The following TBC1D2 variants were observed in gnomAD, a reference collection of about 807,000 sequenced individuals.
The protein encoded by TBC1D2 is TBC1 domain family member 2A.
In TBC1D2, 58 loss-of-function variants were observed where a neutral mutation model predicts 91.1. The observed-to-expected ratio is 0.64, with a 90% confidence interval of 0.52 to 0.79. The LOEUF (loss-of-function observed/expected upper bound fraction) is 0.79, where lower values mean the gene tolerates loss of function less well. TBC1D2 is among the 30% of genes least tolerant of loss of function. The probability of loss-of-function intolerance (pLI) is 0.00; values close to 1 mark genes in which losing one functional copy is unlikely to be tolerated. For missense variants in TBC1D2, 1,080 were observed against 1,208.3 expected, an observed-to-expected ratio of 0.89 and a Z score of 1.57; for synonymous variants, 482 against 511.5, an observed-to-expected ratio of 0.94 and a Z score of 0.78.
rs763050559 is a variant in TBC1D2, at chr9:98,233,558, A to C, written c.648-9T>G. On this transcript the variant is annotated splice_polypyrimidine_tract_variant and intron_variant, in intron 3 of 12. Transcript: ENST00000465784. The stretch of plus-strand genomic sequence containing the variant: ...TGTTGTGCATTGTGTTCCTGAAAGG[A>C]GACAAGAACAGAGGAGCATGAGGCT... 5 of 1,613,612 alleles carry C rather than the reference A, an allele frequency of 3.1e-6. No individual in the cohort carries two copies. Among genetic ancestry groups the C allele is most frequent in the Non-Finnish European group, 4.2e-6 (5 of 1,179,798 alleles).
rs568986387 is a variant in TBC1D2 at position 98,238,902 on chromosome 9, T to C, written c.647+5092A>G. ...CATGGCCGGCTAATTTTTGTATTTT[T>C]AGTAGAGATGGGATTTCACCATATT... On this transcript the variant is annotated intron_variant, in intron 3 of 12. Coordinates refer to ENST00000465784, the MANE Select transcript of TBC1D2 (RefSeq NM_001267571.2). 3.6e-3 allele frequency among the ~76,000 whole-genome samples: 550 copies of C among 151,976 alleles called. 1 individual carries two copies. The highest frequency in any genetic ancestry group is 6.8e-3 in the Middle Eastern group (2 of 294).
chr9:98,228,918 T>G lies in TBC1D2; in HGVS notation c.978+34A>C, dbSNP rs372913635. On this transcript the variant is annotated intron_variant, in intron 5 of 12. Transcript: ENST00000465784. This position sits in a 1 kb window ranked among gnomAD's most constrained non-coding sequence, Gnocchi z 4.0. The stretch of plus-strand genomic sequence containing the variant: ...GGCTCCAGGAACTGGAGGGGTCCAC[T>G]GGAACCTGGGGCCTCCCTGGGACCA... 8 of 1,601,552 alleles carry G rather than the reference T, an allele frequency of 5.0e-6. No homozygotes were observed. Among genetic ancestry groups the G allele is most frequent in the Non-Finnish European group, 6.8e-6 (8 of 1,171,702 alleles).
chr9:98,230,263 T>C (rs1420824687), intron 4 of TBC1D2, among the ~76,000 whole-genome samples: 1 of 152,220 alleles, frequency 6.6e-6, no homozygotes, highest in African/African-American at 2.4e-5. Flanking sequence ...ATGTTTTTAG[T>C]CTTATGGACA....
intron 7 of TBC1D2, 92 bp downstream of exon 7, chr9:98,213,016 A>G (rs1828886048): frequency 7.1e-7 from 1 of 1,404,996 alleles, no homozygotes; most frequent in Non-Finnish European, 1.0e-6. Context: ...AGGGGCAGAC[A>G]GGAAATGAGG....
At chr9:98,234,597 A>G (rs1829455966) in intron 3 of TBC1D2, 2 of 152,238 alleles carry the variant, frequency 1.3e-5, no homozygotes, top group African/African-American at 4.8e-5. Context: ...CCTGTGTTGC[A>G]TCGGAATCCT....
chr9:98,243,681 C>T (rs1483808837), intron 3 of TBC1D2, among the ~76,000 whole-genome samples: 2 of 151,924 alleles, frequency 1.3e-5, no homozygotes, highest in African/African-American at 4.8e-5. Flanking sequence ...GGATTATAGG[C>T]ACCTGCCACC....
Position 98,203,934 on chromosome 9 carries a change from G to A in TBC1D2, c.2151-526C>T, listed in dbSNP as rs189581932. ...AGATTAACAATATCTATCCCCCCGGGGCCAAGAGGCATCTTGAGACAGACC... is the reference window on the plus strand; with the variant it reads ...AGATTAACAATATCTATCCCCCCGGAGCCAAGAGGCATCTTGAGACAGACC... On this transcript the variant is annotated intron_variant, in intron 9 of 12. Coordinates refer to ENST00000465784, the MANE Select transcript of TBC1D2 (RefSeq NM_001267571.2). Among the ~76,000 whole-genome samples, 910 of 152,190 alleles carry A rather than the reference G, an allele frequency of 6.0e-3. 12 individuals are homozygous for A. Among genetic ancestry groups the A allele is most frequent in the African/African-American group, 0.021 (853 of 41,526 alleles).
rs1291876170 is a variant in TBC1D2, at chr9:98,252,179, A to T, written c.370-253T>A. On this transcript the variant is annotated intron_variant, in intron 1 of 12. Coordinates refer to ENST00000465784, the MANE Select transcript of TBC1D2 (RefSeq NM_001267571.2). ...CTGGTGACAATAAGTCTCATTGCAT[A>T]GGACAATGATGAGGATGAAATGAGA... 3.3e-5 allele frequency among the ~76,000 whole-genome samples: 5 copies of T among 152,202 alleles called. No homozygotes were observed. The East Asian group carries it at 9.6e-4, about 29-fold the overall frequency.
chr9:98,233,304 C>T (rs975493677), intron 4 of TBC1D2, 112 bp downstream of exon 4: 25 of 1,430,902 alleles, frequency 1.7e-5, no homozygotes, highest in Non-Finnish European at 1.1e-5. Context: ...CCCAAGCCAA[C>T]TAAGACACAC....
intron 4 of TBC1D2, among the ~76,000 whole-genome samples, chr9:98,232,334 C>CTGTTTTTTT (rs1564251650): frequency 3.2e-5 from 2 of 62,918 alleles, no homozygotes; most frequent in African/African-American, 2.7e-4. Flanking sequence ...TCTTCTTTCT[C>CTGTTTTTTT]TTTTTCTGTT....
chr9:98,225,632 G>A (rs1829214544), intron 5 of TBC1D2, among the ~76,000 whole-genome samples: 1 of 152,240 alleles, frequency 6.6e-6, no homozygotes, highest in Admixed American at 6.5e-5. Flanking sequence ...CCCTGAGCAT[G>A]CAGACACTCT....
chr9:98,241,740 A>G (rs908227404), intron 3 of TBC1D2, among the ~76,000 whole-genome samples: 3 of 152,110 alleles, frequency 2.0e-5, no homozygotes, highest in Non-Finnish European at 2.9e-5. Context: ...CATGCTCCCA[A>G]TGCACCCAGT....
chr9:98,253,969 A>G lies in TBC1D2; in HGVS notation c.369+1204T>C, dbSNP rs993465739. Reference sequence around the variant, plus strand: ...ACCATGTGTTGAAGACCCTGCATACAGCAGTCAACCTGTGGAAGAGACACA... The same window carrying G: ...ACCATGTGTTGAAGACCCTGCATACGGCAGTCAACCTGTGGAAGAGACACA... On this transcript the variant is annotated intron_variant, in intron 1 of 12. Coordinates refer to ENST00000465784, the MANE Select transcript of TBC1D2 (RefSeq NM_001267571.2). 8.8e-4 allele frequency among the ~76,000 whole-genome samples: 134 copies of G among 152,358 alleles called. 1 individual carries two copies. The highest frequency in any genetic ancestry group is 3.2e-3 in the African/African-American group (132 of 41,590).
chr9:98,210,890 C>T (rs924623009), intron 7 of TBC1D2, 47 bp from the exon 8 acceptor site: 10 of 1,355,728 alleles, frequency 7.4e-6, no homozygotes, highest in African/African-American at 7.2e-5. Context: ...GGAGCTGGGC[C>T]GCCCCAGAGG....
intron 4 of TBC1D2, among the ~76,000 whole-genome samples, chr9:98,232,443 C>T (rs1829395758): frequency 6.7e-6 from 1 of 149,852 alleles, no homozygotes; most frequent in South Asian, 2.1e-4. Flanking sequence ...GCTGAGCATC[C>T]CAAGTAGCTG....
At chr9:98,229,310 T>A in intron 4 of TBC1D2, 162 bp from the exon 5 acceptor site, 2 of 648,286 alleles carry the variant, frequency 3.1e-6, no homozygotes, top group Non-Finnish European at 5.2e-6. Context: ...CTTGAGAATA[T>A]GCACTTCTAA....
intron 7 of TBC1D2, among the ~76,000 whole-genome samples, chr9:98,212,324 C>T (rs1828864377): frequency 6.6e-6 from 1 of 152,174 alleles, no homozygotes; most frequent in African/African-American, 2.4e-5. Flanking sequence ...CTGCCCCCCA[C>T]CTCTCAGACC....
At position 98,242,278 on chromosome 9, in the gene TBC1D2, A is replaced by G. The variant is rs182224841; in HGVS notation, c.647+1716T>C. ...AACATAGTGAAATCCCATCTCTACT[A>G]AAAATACAAAAAGTCAGCCGGGCGT... On this transcript the variant is annotated intron_variant, in intron 3 of 12. Coordinates refer to ENST00000465784, the MANE Select transcript of TBC1D2 (RefSeq NM_001267571.2). Among the ~76,000 whole-genome samples the G allele has an allele frequency of 1.4e-4, 22 of 152,018 alleles. No individual in the cohort carries two copies. In the East Asian group the frequency reaches 4.3e-3, roughly 29 times the overall value.
chr9:98,211,422 C>T (rs1263613149), intron 7 of TBC1D2, among the ~76,000 whole-genome samples: 2 of 152,156 alleles, frequency 1.3e-5, no homozygotes, highest in African/African-American at 4.8e-5. Flanking sequence ...AGCCCTCCTG[C>T]ACCCTCTTCC....
Sources: allele counts gnomAD v4.1 joint callset (sites outside exome capture counted in the v4.1 genomes callset), GRCh38; gene constraint gnomAD v4.1.1; non-coding constraint Gnocchi (gnomAD v3.1); transcripts MANE v1.5; gene names NCBI Gene and HGNC (gene_info 2026-07-23, HGNC 2026-07-21).